MSRA: variants seen among roughly 807,000 people sequenced by gnomAD.
MSRA encodes the protein methionine sulfoxide reductase A, also known as mitochondrial peptide methionine sulfoxide reductase.
A neutral mutation model predicts 31.3 loss-of-function variants in MSRA; 54 were observed. The observed-to-expected ratio is 1.73, with a 90% CI of 1.39 to 2.17. MSRA has a LOEUF of 2.17. Among genes scored for constraint, MSRA ranks in the 30% most tolerant of loss-of-function variants. The pLI is 0.00. For missense variants in MSRA, 507 were observed against 300.9 expected (o/e 1.69, Z -5.07); for synonymous variants, 169 against 116.5 (o/e 1.45, Z -2.90).
chr8:10,299,236 C>G (rs1563324405), intron 3 of MSRA, among the ~76,000 whole-genome samples: 1 of 151,948 alleles, frequency 6.6e-6, no homozygotes. Context: ...CTGTTTACGT[C>G]TTTTGCTTAT....
At chr8:10,317,857 C>A (rs1346666160) in intron 4 of MSRA, among the ~76,000 whole-genome samples, 1 of 152,152 alleles carries the variant, frequency 6.6e-6, no homozygotes, top group Non-Finnish European at 1.5e-5. Context: ...ACTCAGGGTT[C>A]CAGAAAATAC....
intron 1 of MSRA, among the ~76,000 whole-genome samples, chr8:10,206,500 C>A (rs926098282): frequency 2.0e-5 from 3 of 152,198 alleles, no homozygotes. Flanking sequence ...GGCAGCTTCC[C>A]ATGGGTTTGG....
intron 1 of MSRA, among the ~76,000 whole-genome samples, chr8:10,173,002 G>T (rs913508933): frequency 2.0e-5 from 3 of 152,190 alleles, no homozygotes; most frequent in African/African-American, 7.2e-5. Flanking sequence ...GCAGGGAGAG[G>T]ATAGGGAAGA....
chr8:10,138,000 A>G (rs913725927), intron 1 of MSRA, among the ~76,000 whole-genome samples: 2 of 152,222 alleles, frequency 1.3e-5, no homozygotes, highest in African/African-American at 2.4e-5. Context: ...GCACACAGGT[A>G]ATGCATAAGG....
At chr8:10,109,970 A>C (rs1258022504) in intron 1 of MSRA, among the ~76,000 whole-genome samples, 1 of 152,126 alleles carries the variant, frequency 6.6e-6, no homozygotes, top group Non-Finnish European at 1.5e-5. Flanking sequence ...ATTCGTCATA[A>C]TTAGCAAGTT....
intron 5 of MSRA, among the ~76,000 whole-genome samples, chr8:10,333,746 C>T (rs184908047): frequency 4.0e-5 from 6 of 151,600 alleles, no homozygotes; most frequent in South Asian, 2.1e-4. Flanking sequence ...GTTCGCATCA[C>T]GCTTGGCTTG....
chr8:10,379,223 C>T (rs1805916625), intron 5 of MSRA, among the ~76,000 whole-genome samples: 1 of 152,086 alleles, frequency 6.6e-6, no homozygotes, highest in Admixed American at 6.5e-5. Flanking sequence ...GGAAAGTCAC[C>T]TTTTGGGGAA....
At chr8:10,249,909 T>C (rs958445156) in intron 3 of MSRA, among the ~76,000 whole-genome samples, 22 of 152,210 alleles carry the variant, frequency 1.4e-4, no homozygotes, top group African/African-American at 5.3e-4. Flanking sequence ...AACTTGTATA[T>C]AGGCCTTACT....
chr8:10,325,527 T>G (rs572436830), intron 5 of MSRA, among the ~76,000 whole-genome samples: 3 of 152,310 alleles, frequency 2.0e-5, no homozygotes, highest in East Asian at 1.9e-4. Context: ...TTATATAAAG[T>G]TAAATGCATT....
intron 3 of MSRA, among the ~76,000 whole-genome samples, chr8:10,270,572 C>G (rs1239747260): frequency 6.6e-6 from 1 of 152,142 alleles, no homozygotes; most frequent in Non-Finnish European, 1.5e-5. Context: ...GGAGGGAGGT[C>G]ACCAGGAGCC....
chr8:10,102,807 A>G (rs1799625219), intron 1 of MSRA, among the ~76,000 whole-genome samples: 1 of 152,168 alleles, frequency 6.6e-6, no homozygotes, highest in Admixed American at 6.5e-5. Context: ...GTAGGAGGGT[A>G]CCTTATTATT....
At chr8:10,115,221 G>T (rs1800590809) in intron 1 of MSRA, among the ~76,000 whole-genome samples, 1 of 152,198 alleles carries the variant, frequency 6.6e-6, no homozygotes. Context: ...CAATAAATTT[G>T]AAGTTAAATA....
At chr8:10,189,823 A>G (rs1807358450) in intron 1 of MSRA, among the ~76,000 whole-genome samples, 3 of 151,934 alleles carry the variant, frequency 2.0e-5, no homozygotes, top group African/African-American at 7.2e-5. Flanking sequence ...CATCAGAGTA[A>G]TGTGGGTCTT....
intron 2 of MSRA, among the ~76,000 whole-genome samples, chr8:10,221,303 A>G (rs924827957): frequency 6.6e-6 from 1 of 151,986 alleles, no homozygotes; most frequent in Non-Finnish European, 1.5e-5. Context: ...TTTTGTCCCC[A>G]TTTTTTCTCC....
intron 1 of MSRA, among the ~76,000 whole-genome samples, chr8:10,076,748 C>A (rs1798013239): frequency 2.0e-5 from 3 of 152,030 alleles, no homozygotes; most frequent in Admixed American, 2.0e-4. Flanking sequence ...GTTCTACTTT[C>A]CTAGTCTCCT....
intron 2 of MSRA, among the ~76,000 whole-genome samples, chr8:10,217,765 A>G (rs1383992245): frequency 1.3e-5 from 2 of 152,220 alleles, no homozygotes; most frequent in African/African-American, 4.8e-5. Context: ...ACCTAAAATA[A>G]TACTTTTTAA....
At position 10,392,680 on chromosome 8, in the gene MSRA, CTT is replaced by C. The variant is rs55916396; in HGVS notation, c.544-35455_544-35454del. Among the ~76,000 whole-genome samples, 543 of 143,258 alleles carry C rather than the reference CTT, an allele frequency of 3.8e-3. 4 individuals are homozygous for C. Among genetic ancestry groups the C allele is most frequent in the African/African-American group, 7.6e-3 (295 of 38,940 alleles). The allele number at this position is 143,258 out of a possible 152,430, so 94.0% of individuals were successfully genotyped here. On this transcript the variant is annotated intron_variant, in intron 5 of 5. Coordinates refer to ENST00000317173, the MANE Select transcript of MSRA (RefSeq NM_012331.5). ...GTGACCATCACTTGGCCTCTCGGCC[CTT>C]TTTTTTTTTTTTAAATCTATGATAT...
At chr8:10,088,898 C>T (rs1798712123) in intron 1 of MSRA, among the ~76,000 whole-genome samples, 1 of 152,158 alleles carries the variant, frequency 6.6e-6, no homozygotes, top group Non-Finnish European at 1.5e-5. Flanking sequence ...AGAAATATTA[C>T]ATAATCTCAC....
intron 5 of MSRA, among the ~76,000 whole-genome samples, chr8:10,342,394 C>G (rs1393777118): frequency 2.0e-5 from 3 of 152,162 alleles, no homozygotes; most frequent in Non-Finnish European, 2.9e-5. Flanking sequence ...CGTGTAGCTT[C>G]CAGAAAACTT....
Sources: gnomAD v4.1 joint callset for allele counts (sites outside exome capture counted in the v4.1 genomes callset) on GRCh38, gnomAD v4.1.1 for gene constraint, MANE v1.5 for transcripts, NCBI Gene and HGNC (gene_info 2026-07-23, HGNC 2026-07-21) for gene names.